NTM: variants seen among roughly 807,000 people sequenced by gnomAD.
The protein encoded by NTM is IgLON family member 2.
Under a neutral mutation model 42.1 loss-of-function variants are expected in NTM, and 13 were observed. That is an observed-to-expected ratio of 0.31 (90% CI 0.20 to 0.49). The LOEUF (loss-of-function observed/expected upper bound fraction) is 0.49, where lower values mean the gene tolerates loss of function less well. Ranked by LOEUF, NTM falls within the 20% of genes least tolerant of loss-of-function variation. The pLI, the probability that NTM is intolerant of heterozygous loss-of-function variation, is 0.99. For missense variants in NTM, 373 were observed against 452.8 expected (o/e 0.82, Z 1.60); for synonymous variants, 187 against 179.2 (o/e 1.04, Z -0.35).
chr11:131,628,443 C>T (rs2063332226), intron 1 of NTM, among the ~76,000 whole-genome samples: 1 of 152,116 alleles, frequency 6.6e-6, no homozygotes, highest in Non-Finnish European at 1.5e-5. Context: ...ATTCTCAAGC[C>T]CTTTGCCCAA....
At chr11:131,550,949 C>T (rs987825603) in intron 1 of NTM, among the ~76,000 whole-genome samples, 4 of 152,194 alleles carry the variant, frequency 2.6e-5, no homozygotes, top group African/African-American at 7.2e-5. Flanking sequence ...TGTTGCCCTG[C>T]TGGCTGTGGA....
chr11:131,371,039 C>T lies in NTM; in HGVS notation c.82+151C>T, dbSNP rs1262037164. Reference sequence around the variant, plus strand: ...CAGCATGGCTGGGACTTCATTCTCCCGACTAGGCTGTGAGAATATTGATTT... The same window carrying T: ...CAGCATGGCTGGGACTTCATTCTCCTGACTAGGCTGTGAGAATATTGATTT... On this transcript the variant is annotated intron_variant, in intron 1 of 8. Coordinates refer to ENST00000683400, the MANE Select transcript of NTM (RefSeq NM_001352005.2). The T allele has an allele frequency of 6.2e-6, 9 of 1,460,628 alleles. No individual in the cohort carries two copies. In the East Asian group the frequency reaches 9.4e-5, roughly 15 times the overall value. 90.5% of individuals were successfully genotyped at this position (1,460,628 alleles called of 1,614,324 possible).
intron 1 of NTM, among the ~76,000 whole-genome samples, chr11:131,729,419 G>A (rs2079360039): frequency 6.6e-6 from 1 of 152,162 alleles, no homozygotes; most frequent in African/African-American, 2.4e-5. Flanking sequence ...CAGTATATAA[G>A]TTTGTTTGTA....
intron 4 of NTM, among the ~76,000 whole-genome samples, chr11:132,256,759 C>T (rs2092507715): frequency 6.6e-6 from 1 of 151,902 alleles, no homozygotes; most frequent in Non-Finnish European, 1.5e-5. Flanking sequence ...TCAGGAGAGG[C>T]AGAGGTGGGC....
intron 1 of NTM, among the ~76,000 whole-genome samples, chr11:131,474,066 TCA>T (rs1297723803): frequency 6.6e-6 from 1 of 152,194 alleles, no homozygotes; most frequent in East Asian, 1.9e-4. Context: ...CCTCATTCTC[TCA>T]TTTTCACTCC....
At chr11:131,380,778 G>A (rs1942577013) in intron 1 of NTM, among the ~76,000 whole-genome samples, 1 of 152,136 alleles carries the variant, frequency 6.6e-6, no homozygotes, top group Non-Finnish European at 1.5e-5. Context: ...CAGCTGCCCT[G>A]TAACTCTGTC....
At chr11:131,976,113 C>CT (rs2064302005) in intron 2 of NTM, among the ~76,000 whole-genome samples, 1 of 67,252 alleles carries the variant, frequency 1.5e-5, no homozygotes, top group Non-Finnish European at 3.1e-5. Context: ...CCCTCCCTCC[C>CT]TCATTCCTTC....
At chr11:132,147,204 TGTGTGTGTGTGA>T (rs1233729260) in intron 3 of NTM, among the ~76,000 whole-genome samples, 26 of 143,280 alleles carry the variant, frequency 1.8e-4, no homozygotes, top group Non-Finnish European at 2.3e-4. Context: ...TGTGTGTGTG[TGTGTGTGTGTGA>T]GAGAGAGAGA....
At chr11:131,635,623 A>C (rs2064266987) in intron 1 of NTM, among the ~76,000 whole-genome samples, 1 of 152,172 alleles carries the variant, frequency 6.6e-6, no homozygotes, top group African/African-American at 2.4e-5. Flanking sequence ...AGCTAAAGTT[A>C]ATTTATTATT....
rs529301641 is a variant in NTM at position 132,285,400 on chromosome 11, A to G, written c.527-22289A>G. ...TTAATTGTCATGCACATCTTGAAGAAGGAGGAATGAAATGCTCCCAGCTCT... is the reference window on the plus strand; with the variant it reads ...TTAATTGTCATGCACATCTTGAAGAGGGAGGAATGAAATGCTCCCAGCTCT... On this transcript the variant is annotated intron_variant, in intron 4 of 8. Coordinates refer to ENST00000683400, the MANE Select transcript of NTM (RefSeq NM_001352005.2). Among the ~76,000 whole-genome samples, 3 of 152,268 alleles carry G rather than the reference A, an allele frequency of 2.0e-5. No individual in the cohort carries two copies. The South Asian group carries it at 6.2e-4, about 32-fold the overall frequency.
At chr11:131,878,859 G>A (rs2049014256) in intron 1 of NTM, among the ~76,000 whole-genome samples, 1 of 151,564 alleles carries the variant, frequency 6.6e-6, no homozygotes, top group Admixed American at 6.6e-5. Flanking sequence ...AAAGTGAGAG[G>A]GGAAGATCTT....
At chr11:131,619,791 G>A (rs762072793) in intron 1 of NTM, among the ~76,000 whole-genome samples, 2 of 151,936 alleles carry the variant, frequency 1.3e-5, no homozygotes, top group African/African-American at 4.8e-5. Context: ...AGGATATGGG[G>A]GTAACATCTA....
At chr11:131,992,169 G>A (rs1027740248) in intron 2 of NTM, among the ~76,000 whole-genome samples, 1 of 152,176 alleles carries the variant, frequency 6.6e-6, no homozygotes, top group African/African-American at 2.4e-5. Flanking sequence ...TCGATGTGAC[G>A]ACTATGAAGA....
At chr11:131,800,499 G>C (rs376610074) in intron 1 of NTM, among the ~76,000 whole-genome samples, 2 of 152,204 alleles carry the variant, frequency 1.3e-5, no homozygotes, top group African/African-American at 2.4e-5. Context: ...ATTCATATAG[G>C]CTAAAGAAAT....
At chr11:131,420,092 A>G (rs544700275) in intron 1 of NTM, among the ~76,000 whole-genome samples, 148 of 152,286 alleles carry the variant, frequency 9.7e-4, no homozygotes, top group Non-Finnish European at 1.9e-3. Flanking sequence ...ATGAGGGACC[A>G]TTTGTCCCTA....
chr11:131,425,111 G>A (rs11222609), intron 1 of NTM, among the ~76,000 whole-genome samples: 106,085 of 151,280 alleles, frequency 0.7, 37,432 homozygotes, highest in East Asian at 0.9. Context: ...TGAACATCTG[G>A]CCTCAAGTGA....
At chr11:132,059,858 C>G (rs2080352171) in intron 2 of NTM, among the ~76,000 whole-genome samples, 2 of 152,116 alleles carry the variant, frequency 1.3e-5, no homozygotes, top group South Asian at 2.1e-4. Flanking sequence ...ATTCCCAGCT[C>G]CATTCCTCAG....
intron 4 of NTM, among the ~76,000 whole-genome samples, chr11:132,296,882 C>A (rs2094631029): frequency 6.6e-6 from 1 of 152,214 alleles, no homozygotes; most frequent in South Asian, 2.1e-4. Flanking sequence ...GTGTTTCCAG[C>A]AGGATGATTT....
At chr11:132,125,719 G>T (rs200416708) in intron 2 of NTM, among the ~76,000 whole-genome samples, 5 of 152,026 alleles carry the variant, frequency 3.3e-5, no homozygotes, top group Non-Finnish European at 5.9e-5. Context: ...GTAGTGTGTG[G>T]TGTGTGATGT....
Sources: allele counts gnomAD v4.1 joint callset (sites outside exome capture counted in the v4.1 genomes callset), GRCh38; gene constraint gnomAD v4.1.1; transcripts MANE v1.5; gene names NCBI Gene and HGNC (gene_info 2026-07-23, HGNC 2026-07-21).